Variants in ADARB2 observed in about 807,000 individuals in gnomAD.
ADARB2 encodes adenosine deaminase RNA specific B2 (inactive), also known as inactive double-stranded RNA-specific editase B2.
ADARB2 carries 25 observed loss-of-function variants against 62.2 expected under a neutral mutation model. That is an observed-to-expected ratio of 0.40 (90% CI 0.29 to 0.56). The LOEUF (loss-of-function observed/expected upper bound fraction) is 0.56. Ranked by LOEUF, ADARB2 falls within the 20% of genes least tolerant of loss-of-function variation. The pLI, the probability that ADARB2 is intolerant of heterozygous loss-of-function variation, is 0.43. For missense variants in ADARB2, 1,071 were observed against 1,077.4 expected (o/e 0.99, Z 0.08); for synonymous variants, 572 against 500.8 (o/e 1.14, Z -1.90).
intron 1 of ADARB2, among the ~76,000 whole-genome samples, chr10:1,620,425 T>C (rs1373186622): frequency 6.6e-6 from 1 of 152,068 alleles, no homozygotes; most frequent in African/African-American, 2.4e-5. Context: ...TTTCCAAAAA[T>C]GACTAAAGAG....
At chr10:1,610,768 ACATGCACAGACACACATG>A (rs981728850) in intron 1 of ADARB2, among the ~76,000 whole-genome samples, 114 of 152,082 alleles carry the variant, frequency 7.5e-4, no homozygotes, top group Non-Finnish European at 1.3e-3. Context: ...ACACACACAC[ACATGCACAGACACACATG>A]TGCACAGGCA....
chr10:1,393,310 A>T (rs1450098569), intron 1 of ADARB2, among the ~76,000 whole-genome samples: 5 of 152,246 alleles, frequency 3.3e-5, no homozygotes, highest in Non-Finnish European at 7.3e-5. Flanking sequence ...TAACAATCAT[A>T]TCATGGAAAA....
chr10:1,559,913 C>T lies in ADARB2; in HGVS notation c.100+177138G>A, dbSNP rs1321728623. Among the ~76,000 whole-genome samples the T allele has an allele frequency of 3.3e-5, 5 of 152,322 alleles. No individual in the cohort carries two copies. In the East Asian group the frequency reaches 5.8e-4, roughly 18 times the overall value. On this transcript the variant is annotated intron_variant, in intron 1 of 9. Coordinates refer to ENST00000381312, the MANE Select transcript of ADARB2 (RefSeq NM_018702.4). ...CTTCTCAGAAGCGTGTCCTCACCCTCGGGGGAGCAGCGGGCTTCTGATTGT... is the reference window on the plus strand; with the variant it reads ...CTTCTCAGAAGCGTGTCCTCACCCTTGGGGGAGCAGCGGGCTTCTGATTGT...
intron 1 of ADARB2, among the ~76,000 whole-genome samples, chr10:1,453,074 C>T (rs1301700357): frequency 6.6e-6 from 1 of 152,178 alleles, no homozygotes; most frequent in Non-Finnish European, 1.5e-5. Flanking sequence ...GTCTGTGACG[C>T]CTAGTCCCTT....
intron 7 of ADARB2, among the ~76,000 whole-genome samples, chr10:1,213,426 G>A (rs1026754170): frequency 2.0e-5 from 3 of 152,146 alleles, no homozygotes; most frequent in African/African-American, 7.2e-5. Flanking sequence ...AGAACCAGAA[G>A]GTGGCTGGGC....
At chr10:1,493,900 C>T (rs185737272) in intron 1 of ADARB2, among the ~76,000 whole-genome samples, 133 of 151,644 alleles carry the variant, frequency 8.8e-4, no homozygotes, top group African/African-American at 3.1e-3. Context: ...GGATTACAGG[C>T]GTGCGCCACT....
intron 1 of ADARB2, among the ~76,000 whole-genome samples, chr10:1,498,061 A>G (rs982126125): frequency 1.3e-5 from 2 of 152,160 alleles, no homozygotes; most frequent in Non-Finnish European, 2.9e-5. Context: ...GTGGTGGTAT[A>G]AGTCAGTAGA....
intron 4 of ADARB2, among the ~76,000 whole-genome samples, chr10:1,245,035 C>T (rs543293726): frequency 2.4e-4 from 37 of 152,236 alleles, no homozygotes; most frequent in Middle Eastern, 6.8e-3. Context: ...AAGGGTTTTC[C>T]GGAAGGACAG....
chr10:1,614,112 A>C (rs1031655927), intron 1 of ADARB2, among the ~76,000 whole-genome samples: 2 of 152,246 alleles, frequency 1.3e-5, no homozygotes, highest in African/African-American at 2.4e-5. Flanking sequence ...AAAACCACCG[A>C]GGCTGTTAAA....
chr10:1,474,654 G>T (rs1448621361), intron 1 of ADARB2, among the ~76,000 whole-genome samples: 1 of 152,290 alleles, frequency 6.6e-6, no homozygotes, highest in East Asian at 1.9e-4. Flanking sequence ...GAGACTGTCC[G>T]CCCACCAGGA....
intron 2 of ADARB2, among the ~76,000 whole-genome samples, chr10:1,375,515 A>G (rs1041451294): frequency 1.3e-5 from 2 of 152,148 alleles, no homozygotes; most frequent in South Asian, 4.1e-4. Context: ...AAAAGCCATG[A>G]CCCTGTGAGG....
chr10:1,471,690 G>A (rs1254619409), intron 1 of ADARB2, among the ~76,000 whole-genome samples: 2 of 152,208 alleles, frequency 1.3e-5, no homozygotes, highest in Non-Finnish European at 2.9e-5. Context: ...ACCATGCCTG[G>A]CCTGTATAAT....
intron 1 of ADARB2, among the ~76,000 whole-genome samples, chr10:1,421,637 A>C (rs1332362719): frequency 6.6e-6 from 1 of 152,192 alleles, no homozygotes; most frequent in African/African-American, 2.4e-5. Context: ...CTGAGAGTTA[A>C]GACTCACGAT....
intron 1 of ADARB2, among the ~76,000 whole-genome samples, chr10:1,581,831 TG>T (rs1247189221): frequency 1.4e-4 from 1 of 7,108 alleles, no homozygotes; most frequent in Non-Finnish European, 4.7e-4. Context: ...AATAGATGTG[TG>T]TGTGTGTGTG....
intron 6 of ADARB2, among the ~76,000 whole-genome samples, chr10:1,233,397 C>G (rs931931325): frequency 5.3e-5 from 8 of 152,230 alleles, no homozygotes; most frequent in African/African-American, 1.9e-4. Flanking sequence ...GCCTTCCCTT[C>G]ATTCCATTTT....
chr10:1,401,717 A>T (rs1400369984), intron 1 of ADARB2, among the ~76,000 whole-genome samples: 1 of 152,004 alleles, frequency 6.6e-6, no homozygotes, highest in Non-Finnish European at 1.5e-5. Context: ...TGTTCTGCAG[A>T]GTCCCTGTTT....
chr10:1,636,486 T>C (rs551282395), intron 1 of ADARB2, among the ~76,000 whole-genome samples: 64 of 152,198 alleles, frequency 4.2e-4, no homozygotes, highest in Non-Finnish European at 5.4e-4. Context: ...CATTGCACTC[T>C]AGCCTGGGGG....
intron 3 of ADARB2, among the ~76,000 whole-genome samples, chr10:1,304,212 A>T (rs566223283): frequency 7.0e-4 from 106 of 152,288 alleles, no homozygotes; most frequent in Middle Eastern, 3.4e-3. Flanking sequence ...AAAAAAAGGC[A>T]AGGGTTGCAA....
intron 1 of ADARB2, among the ~76,000 whole-genome samples, chr10:1,602,477 G>A (rs1174080545): frequency 6.6e-6 from 1 of 152,114 alleles, no homozygotes; most frequent in South Asian, 2.1e-4. Context: ...TCATCCCTCC[G>A]GCATCCATCG....
Sources: allele counts gnomAD v4.1 joint callset (sites outside exome capture counted in the v4.1 genomes callset), GRCh38; gene constraint gnomAD v4.1.1; transcripts MANE v1.5; gene names NCBI Gene and HGNC (gene_info 2026-07-23, HGNC 2026-07-21).